Variants in DIAPH2 observed in about 807,000 individuals in gnomAD.
The protein encoded by DIAPH2 is protein diaphanous homolog 2.
DIAPH2 carries 35 observed loss-of-function variants against 92.7 expected under a neutral mutation model. That is an observed-to-expected ratio of 0.38 (90% CI 0.29 to 0.50). The LOEUF (loss-of-function observed/expected upper bound fraction) is 0.50, where lower values mean the gene tolerates loss of function less well. Among genes scored for constraint, DIAPH2 ranks in the 20% least tolerant of loss-of-function variants. DIAPH2 has a pLI of 0.94. For synonymous variants in DIAPH2, 301 were observed against 280.4 expected (o/e 1.07, Z -0.73); for missense variants, 701 against 819.5 (o/e 0.86, Z 1.77).
At chrX:97,471,764 A>G (rs1299837993) in intron 26 of DIAPH2, among the ~76,000 whole-genome samples, 1 of 108,481 alleles carries the variant, frequency 9.2e-6, no homozygotes, top group Non-Finnish European at 1.9e-5. Flanking sequence ...TTGAGTACCT[A>G]TTGTTTTCCT....
In DIAPH2 at chrX:96,815,504, C is replaced by G. The variant is rs762548919; in HGVS notation, c.447+57246C>G. Among the ~76,000 whole-genome samples, 3 of 112,224 alleles carry G rather than the reference C, an allele frequency of 2.7e-5. No individual in the cohort carries two copies. The Admixed American group carries it at 2.8e-4, about 11-fold the overall frequency. ...TTCCCAGGTGAGGCGATGTCCCGCC[C>G]TGCTTCGTCTCGCCCTCCGTGGGCT... On this transcript the variant is annotated intron_variant, in intron 4 of 26. Coordinates refer to ENST00000324765, the MANE Select transcript of DIAPH2 (RefSeq NM_006729.5).
intron 20 of DIAPH2, among the ~76,000 whole-genome samples, chrX:97,106,511 A>C (rs1336228621): frequency 8.9e-6 from 1 of 112,215 alleles, no homozygotes; most frequent in Admixed American, 9.4e-5. Context: ...TTGAATATTC[A>C]AATTAGGTCA....
intron 16 of DIAPH2, among the ~76,000 whole-genome samples, chrX:96,961,735 C>T (rs1174161773): frequency 9.1e-6 from 1 of 109,962 alleles, no homozygotes; most frequent in Non-Finnish European, 1.9e-5. Context: ...TTTTCACTTA[C>T]ATTAATACAT....
Position 97,215,905 on chromosome X carries a change from C to T in DIAPH2, c.2720-31810C>T, listed in dbSNP as rs760141250. ...TGCTTTGTTTCTAAAGATGCAAGTG[C>T]GAAATTGATCCAATATGTTCAGCAG... On this transcript the variant is annotated intron_variant, in intron 22 of 26. Transcript: ENST00000324765. Among the ~76,000 whole-genome samples the T allele has an allele frequency of 1.1e-4, 12 of 111,992 alleles. No homozygotes were observed. In the East Asian group the frequency reaches 3.1e-3, roughly 29 times the overall value.
At chrX:96,751,623 A>G (rs1339166674) in intron 3 of DIAPH2, among the ~76,000 whole-genome samples, 1 of 102,778 alleles carries the variant, frequency 9.7e-6, no homozygotes, top group Admixed American at 1.1e-4. Context: ...AAATAACATT[A>G]TAAATGGTCA....
intron 24 of DIAPH2, among the ~76,000 whole-genome samples, chrX:97,359,570 CTT>C (rs1162203236): frequency 1.0e-4 from 7 of 66,703 alleles, no homozygotes; most frequent in Admixed American, 1.8e-4. Context: ...CATGGATAAT[CTT>C]TTTTTTTTTT....
intron 22 of DIAPH2, among the ~76,000 whole-genome samples, chrX:97,152,450 T>C (rs989739222): frequency 8.9e-6 from 1 of 112,038 alleles, no homozygotes; most frequent in African/African-American, 3.2e-5. Context: ...TAGCCAGTTT[T>C]GCATTGCCAT....
chrX:97,020,029 A>G (rs1602721212), intron 17 of DIAPH2, among the ~76,000 whole-genome samples: 1 of 112,480 alleles, frequency 8.9e-6, no homozygotes, highest in South Asian at 3.7e-4. Context: ...CTGAAACATC[A>G]ACTGGATTAA....
intron 1 of DIAPH2, among the ~76,000 whole-genome samples, chrX:96,697,089 G>A (rs950799677): frequency 2.7e-5 from 3 of 109,615 alleles, no homozygotes; most frequent in African/African-American, 1.0e-4. Context: ...TCTTTGGGGT[G>A]GGGAGATATC....
rs1297117473 is a variant in DIAPH2 at position 97,558,748 on chromosome X, G to A, written c.3242-40505G>A. 3.6e-5 allele frequency among the ~76,000 whole-genome samples: 4 copies of A among 111,636 alleles called. No individual in the cohort carries two copies. The East Asian group carries it at 1.1e-3, about 31-fold the overall frequency. On this transcript the variant is annotated intron_variant, in intron 26 of 26. Transcript: ENST00000324765. The stretch of plus-strand genomic sequence containing the variant: ...TAACCAAGATAGATAAAATAAGAGT[G>A]ATATTTCTTTCAAATAAATATTATG...
chrX:96,713,894 C>T (rs2063933976), intron 1 of DIAPH2, among the ~76,000 whole-genome samples: 1 of 111,720 alleles, frequency 9.0e-6, no homozygotes, highest in Non-Finnish European at 1.9e-5. Flanking sequence ...TACTGAAGGA[C>T]ATTTTGGTTG....
At chrX:97,258,981 C>T (rs1602457279) in intron 23 of DIAPH2, among the ~76,000 whole-genome samples, 1 of 110,520 alleles carries the variant, frequency 9.0e-6, no homozygotes, top group African/African-American at 3.3e-5. Flanking sequence ...TGTATGTGAA[C>T]GCTCAACACA....
chrX:97,576,812 T>A (rs1267734006), intron 26 of DIAPH2, among the ~76,000 whole-genome samples: 1 of 111,890 alleles, frequency 8.9e-6, no homozygotes, highest in East Asian at 2.8e-4. Context: ...CCTATTTTAC[T>A]GTCTTTCAAA....
intron 17 of DIAPH2, among the ~76,000 whole-genome samples, chrX:96,987,465 G>T (rs2066040319): frequency 9.0e-6 from 1 of 111,532 alleles, no homozygotes; most frequent in Non-Finnish European, 1.9e-5. Flanking sequence ...CTCTGTGGTA[G>T]AAATGGATTT....
At chrX:96,742,078 CT>C (rs1187694157) in intron 3 of DIAPH2, among the ~76,000 whole-genome samples, 1 of 111,611 alleles carries the variant, frequency 9.0e-6, no homozygotes, top group Non-Finnish European at 1.9e-5. Context: ...CAAAACTGAA[CT>C]GCTAATATTC....
At chrX:97,422,579 A>C (rs967906614) in intron 25 of DIAPH2, among the ~76,000 whole-genome samples, 1 of 112,193 alleles carries the variant, frequency 8.9e-6, no homozygotes, top group Non-Finnish European at 1.9e-5. Flanking sequence ...ACTTTTGCAG[A>C]AAACTTTAAT....
chrX:96,957,238 C>T (rs1214706760), intron 15 of DIAPH2, among the ~76,000 whole-genome samples: 1 of 112,294 alleles, frequency 8.9e-6, no homozygotes, highest in Non-Finnish European at 1.9e-5. Context: ...CCAGGCTGGT[C>T]TTGAACTCCT....
chrX:96,735,710 C>T (rs2064082536), intron 1 of DIAPH2, 48 bp from the exon 2 acceptor site: 1 of 723,853 alleles, frequency 1.4e-6, no homozygotes, highest in East Asian at 3.4e-5. Context: ...CTATGAGTTT[C>T]TCTTATCTGA....
chrX:97,398,834 C>T (rs1181646636), intron 25 of DIAPH2, among the ~76,000 whole-genome samples: 8 of 107,211 alleles, frequency 7.5e-5, no homozygotes, highest in African/African-American at 1.7e-4. Flanking sequence ...CTCCGCCTCC[C>T]GGGTTCAAGC....
Sources: gnomAD v4.1 joint callset for allele counts (sites outside exome capture counted in the v4.1 genomes callset) on GRCh38, gnomAD v4.1.1 for gene constraint, MANE v1.5 for transcripts, NCBI Gene and HGNC (gene_info 2026-07-23, HGNC 2026-07-21) for gene names.